PITPNM2: variants seen among roughly 807,000 people sequenced by gnomAD.
PITPNM2 encodes the protein phosphatidylinositol transfer protein membrane associated 2, also known as membrane-associated phosphatidylinositol transfer protein 2.
Under a neutral mutation model 132.2 loss-of-function variants are expected in PITPNM2, and 35 were observed. The ratio of observed to expected loss-of-function variants is 0.26; its 90% CI spans 0.20 to 0.35. PITPNM2 has a LOEUF of 0.35. Among genes scored for constraint, PITPNM2 ranks in the 10% least tolerant of loss-of-function variants. The probability of loss-of-function intolerance (pLI) is 1.00; values close to 1 mark genes in which losing one functional copy is unlikely to be tolerated. For synonymous variants in PITPNM2, 738 were observed against 799.2 expected (o/e 0.92, Z 1.29); for missense variants, 1,332 against 1,912.0 (o/e 0.70, Z 5.66).
chr12:123,071,987 G>A (rs1270918133), intron 2 of PITPNM2, among the ~76,000 whole-genome samples: 1 of 152,194 alleles, frequency 6.6e-6, no homozygotes, highest in African/African-American at 2.4e-5. Context: ...GGCCCAGCAG[G>A]CAAATGAAGT....
rs918305369 is a variant in PITPNM2, at chr12:123,077,089, T to A, written c.-96+33296A>T. Among the ~76,000 whole-genome samples the A allele has an allele frequency of 2.6e-5, 4 of 152,122 alleles. No homozygotes were observed. Among genetic ancestry groups the A allele is most frequent in the African/African-American group, 7.2e-5 (3 of 41,418 alleles). On this transcript the variant is annotated intron_variant, in intron 2 of 25. Transcript: ENST00000320201. The surrounding 1 kb of genome is among the most constrained non-coding windows in gnomAD (Gnocchi z 4.8). ...TCTACTGGGGATGGGGAAGAAATGA[T>A]GCAGAATGTTGACCCACTGGGCAGC...
rs375018853 is a variant in PITPNM2 at position 122,994,794 on chromosome 12, C to G, written c.2233+7G>C. On this transcript the variant is annotated splice_region_variant and intron_variant, in intron 15 of 25. Coordinates refer to ENST00000320201, the MANE Select transcript of PITPNM2 (RefSeq NM_020845.3). The surrounding 1 kb of genome is among the most constrained non-coding windows in gnomAD (Gnocchi z 5.4). ...TACCCCCCATCCTGCCCCTGCTGGG[C>G]TCTCACCATCCAGGGCTGGGATGAC... 1.2e-6 allele frequency: 2 copies of G among 1,606,466 alleles called. No homozygotes were observed. Among genetic ancestry groups the G allele is most frequent in the African/African-American group, 2.7e-5 (2 of 74,658 alleles).
chr12:123,149,799 G>T (rs1472757010), intron 1 of PITPNM2: 1 of 152,400 alleles, frequency 6.6e-6, no homozygotes, highest in Non-Finnish European at 1.5e-5. Context: ...GAAGTGGGGG[G>T]TCTATCCTAG....
Position 123,005,551 on chromosome 12 carries a change from G to A in PITPNM2, c.644-3C>T. The A allele has an allele frequency of 6.2e-7, 1 of 1,610,694 alleles. No homozygotes were observed. Among genetic ancestry groups the A allele is most frequent in the Non-Finnish European group, 8.5e-7 (1 of 1,178,196 alleles). ...CCGCACCATCACCCTCCGTAGTCCT[G>A]TGCCCCATGGGGATCAGAGAGGGAG... On this transcript the variant is annotated splice_region_variant and splice_polypyrimidine_tract_variant and intron_variant, in intron 6 of 25. Coordinates refer to ENST00000320201, the MANE Select transcript of PITPNM2 (RefSeq NM_020845.3). The surrounding 1 kb of genome is among the most constrained non-coding windows in gnomAD (Gnocchi z 6.2).
intron 1 of PITPNM2, among the ~76,000 whole-genome samples, chr12:123,137,244 C>G (rs1426178481): frequency 1.3e-5 from 2 of 152,172 alleles, no homozygotes; most frequent in Non-Finnish European, 2.9e-5. Flanking sequence ...GGAGTCAGCA[C>G]ACATTCTGAA....
chr12:123,015,596 T>G (rs986774060), intron 3 of PITPNM2, among the ~76,000 whole-genome samples: 2 of 151,974 alleles, frequency 1.3e-5, no homozygotes, highest in Non-Finnish European at 2.9e-5. Context: ...TATAAGATGC[T>G]TGAGAAATGG....
At chr12:123,143,212 C>T (rs908121999) in intron 1 of PITPNM2, among the ~76,000 whole-genome samples, 10 of 151,740 alleles carry the variant, frequency 6.6e-5, no homozygotes, top group African/African-American at 2.4e-4. Context: ...AGCTCTCCCA[C>T]TGGCTCACCA....
Position 122,992,528 on chromosome 12 carries a change from G to A in PITPNM2, c.2375C>T (p.Pro792Leu), listed in dbSNP as rs979855995. Residue 792 changes from proline to leucine, a missense_variant, in exon 16 of 26, where the codon CCG becomes CTG. Around this residue, in one of 6 missense-constraint regions of PITPNM2, gnomAD observed 710 missense variants for 911.5 expected, o/e 0.78. Coordinates refer to ENST00000320201, the MANE Select transcript of PITPNM2 (RefSeq NM_020845.3). The surrounding 1 kb of genome is among the most constrained non-coding windows in gnomAD (Gnocchi z 6.5). ...CAGCGTGGAGCAGCCATCCCCCAGC[G>A]GGTAGCGTTGGTAGCGGGGGACGCT... ...PFSVPRYQRYPLGDGCSTLLA... is the reference protein window; with the variant it reads ...PFSVPRYQRYLLGDGCSTLLA... 16 of 1,611,082 alleles carry A rather than the reference G, an allele frequency of 9.9e-6. No individual in the cohort carries two copies. The highest frequency in any genetic ancestry group is 2.0e-4 in the Middle Eastern group (1 of 5,006).
At position 122,994,649 on chromosome 12, in the gene PITPNM2, G is replaced by T; in HGVS notation, c.2233+152C>A. The T allele has an allele frequency of 1.2e-6, 1 of 857,860 alleles. No homozygotes were observed. Among genetic ancestry groups the T allele is most frequent in the Non-Finnish European group, 1.7e-6 (1 of 580,142 alleles). 53.1% of individuals were successfully genotyped at this position (857,860 alleles called of 1,614,324 possible). A position where few individuals can be genotyped will look rare whatever the true frequency, so the allele number is the denominator to read the frequency against. On this transcript the variant is annotated intron_variant, in intron 15 of 25. Transcript: ENST00000320201. The surrounding 1 kb of genome is among the most constrained non-coding windows in gnomAD (Gnocchi z 5.4). ...TGACTGAGCTGCTGAAGCAGGAGCA[G>T]AGGATAGCAAGGGGCCCTTGGTGGG...
intron 2 of PITPNM2, among the ~76,000 whole-genome samples, chr12:123,076,683 C>T (rs990099058): frequency 1.2e-4 from 18 of 152,190 alleles, no homozygotes; most frequent in African/African-American, 4.3e-4. Flanking sequence ...AAGTTGAGTG[C>T]CTCTTTCAGA....
At position 123,111,840 on chromosome 12, in the gene PITPNM2, C is replaced by T. The variant is rs1473418016; in HGVS notation, c.-199-1352G>A. 6.6e-6 allele frequency among the ~76,000 whole-genome samples: 1 copy of T among 152,258 alleles called. No homozygotes were observed. Among genetic ancestry groups the T allele is most frequent in the East Asian group, 1.9e-4 (1 of 5,202 alleles). ...TCCCAGTGACCATGAGCAAGCTGGCCTTCCAGCCTTGCCTCTACATGCCAC... is the reference window on the plus strand; with the variant it reads ...TCCCAGTGACCATGAGCAAGCTGGCTTTCCAGCCTTGCCTCTACATGCCAC... On this transcript the variant is annotated intron_variant, in intron 1 of 25. Transcript: ENST00000320201. This position sits in a 1 kb window ranked among gnomAD's most constrained non-coding sequence, Gnocchi z 4.1.
chr12:122,995,337 G>A, intron 14 of PITPNM2, 52 bp downstream of exon 14: 4 of 1,536,460 alleles, frequency 2.6e-6, no homozygotes, highest in Non-Finnish European at 3.5e-6. Context: ...CCTCCCTCTT[G>A]GAGCCTCTTC....
intron 3 of PITPNM2, among the ~76,000 whole-genome samples, chr12:123,024,101 A>G (rs959945972): frequency 1.3e-5 from 2 of 152,234 alleles, no homozygotes; most frequent in Non-Finnish European, 2.9e-5. Flanking sequence ...AAAAATAGTA[A>G]GAATAATAAA....
intron 3 of PITPNM2, among the ~76,000 whole-genome samples, chr12:123,025,427 C>T (rs1460389347): frequency 2.0e-5 from 3 of 150,552 alleles, no homozygotes; most frequent in Non-Finnish European, 4.4e-5. Flanking sequence ...GGAATGTGGA[C>T]CAGATTTTTT....
chr12:123,028,942 G>A (rs902933070), intron 3 of PITPNM2, among the ~76,000 whole-genome samples: 5 of 152,180 alleles, frequency 3.3e-5, no homozygotes, highest in Non-Finnish European at 7.4e-5. Flanking sequence ...GTGACAGGAA[G>A]GGCACAGGTA....
At chr12:123,148,455 C>G (rs919130165) in intron 1 of PITPNM2, among the ~76,000 whole-genome samples, 4 of 152,116 alleles carry the variant, frequency 2.6e-5, no homozygotes, top group South Asian at 2.1e-4. Flanking sequence ...AAGTACCAGA[C>G]GTTTCCTCTG....
intron 5 of PITPNM2, among the ~76,000 whole-genome samples, chr12:123,011,552 G>A (rs1320769709): frequency 6.6e-6 from 1 of 152,206 alleles, no homozygotes; most frequent in Non-Finnish European, 1.5e-5. Context: ...CTCAGAATGT[G>A]ATCTTATCTA....
chr12:123,122,640 C>T (rs1025545210), intron 1 of PITPNM2, among the ~76,000 whole-genome samples: 21 of 152,250 alleles, frequency 1.4e-4, no homozygotes, highest in African/African-American at 5.1e-4. Flanking sequence ...AGAGAAGGGG[C>T]AAGGTAGCTG....
intron 3 of PITPNM2, among the ~76,000 whole-genome samples, chr12:123,015,717 C>A (rs143426338): frequency 3.9e-5 from 6 of 152,070 alleles, no homozygotes; most frequent in African/African-American, 1.4e-4. Flanking sequence ...AATATGACAC[C>A]AAAAGCACAA....
Sources: gnomAD v4.1 joint callset for allele counts (sites outside exome capture counted in the v4.1 genomes callset) on GRCh38, gnomAD v4.1.1 for gene constraint, gnomAD v4.1.1 regional missense constraint, Gnocchi (gnomAD v3.1) non-coding constraint, MANE v1.5 for transcripts, NCBI Gene and HGNC (gene_info 2026-07-23, HGNC 2026-07-21) for gene names.